MTMR2: variants seen among roughly 807,000 people sequenced by gnomAD.
MTMR2 encodes myotubularin related protein 2.
In MTMR2, 55 loss-of-function variants were observed where a neutral mutation model predicts 86.9. That is an observed-to-expected ratio of 0.63 (90% CI 0.51 to 0.79). The LOEUF is 0.79. Ranked by LOEUF, MTMR2 falls within the 30% of genes least tolerant of loss-of-function variation. The pLI is 0.00. For synonymous variants in MTMR2, 241 were observed against 266.8 expected, an observed-to-expected ratio of 0.90 and a Z score of 0.94; for missense variants, 659 against 772.3, an observed-to-expected ratio of 0.85 and a Z score of 1.74.
chr11:95,838,879 A>G (rs1056645505), intron 12 of MTMR2, among the ~76,000 whole-genome samples: 6 of 152,076 alleles, frequency 3.9e-5, no homozygotes, highest in African/African-American at 1.4e-4. Context: ...GGGACTAATC[A>G]AATGAAAAAT....
intron 1 of MTMR2, among the ~76,000 whole-genome samples, chr11:95,910,538 G>A (rs1674807069): frequency 6.6e-6 from 1 of 151,924 alleles, no homozygotes; most frequent in Non-Finnish European, 1.5e-5. Flanking sequence ...GTAAACAAAT[G>A]CCTCTAGAAG....
intron 1 of MTMR2, chr11:95,914,188 T>G: frequency 1.0e-6 from 1 of 978,374 alleles, no homozygotes; most frequent in Non-Finnish European, 1.2e-6. Context: ...AGAAATACTG[T>G]TGGCAATATT....
chr11:95,858,421 A>C (rs1354590879), intron 6 of MTMR2, 110 bp downstream of exon 6: 2 of 782,496 alleles, frequency 2.6e-6, no homozygotes, highest in Non-Finnish European at 4.6e-6. Context: ...CATCTGGTTA[A>C]ATGTCAAAGC....
chr11:95,872,928 G>A lies in MTMR2; in HGVS notation c.187-7252C>T, dbSNP rs187743157. ...TGCTGGATTACGTTTATTGATTTGT[G>A]TATGTTGAACCAGCCTTACATCCCA... is the stretch of plus-strand genomic sequence containing the variant. On this transcript the variant is annotated intron_variant, in intron 2 of 14. Transcript: ENST00000346299. 2.7e-4 allele frequency among the ~76,000 whole-genome samples: 41 copies of A among 152,274 alleles called. 1 individual carries two copies. Among genetic ancestry groups the A allele is most frequent in the Admixed American group, 2.4e-3 (37 of 15,294 alleles).
chr11:95,909,576 A>G (rs1186468255), intron 1 of MTMR2, among the ~76,000 whole-genome samples: 1 of 152,120 alleles, frequency 6.6e-6, no homozygotes, highest in Non-Finnish European at 1.5e-5. Context: ...ACCTCTAACT[A>G]AAGGCCTCAG....
chr11:95,852,885 C>G (rs542502130), intron 7 of MTMR2, among the ~76,000 whole-genome samples: 91 of 151,880 alleles, frequency 6.0e-4, no homozygotes, highest in Non-Finnish European at 1.1e-3. Context: ...TTATACAAAA[C>G]TTAGCCAGAA....
intron 1 of MTMR2, among the ~76,000 whole-genome samples, chr11:95,907,632 G>A (rs974167313): frequency 4.6e-5 from 7 of 152,058 alleles, no homozygotes; most frequent in Non-Finnish European, 1.0e-4. Flanking sequence ...GTAGCAAATC[G>A]AATCAAGCAG....
intron 2 of MTMR2, among the ~76,000 whole-genome samples, chr11:95,870,067 C>T (rs955716923): frequency 6.6e-6 from 1 of 152,116 alleles, no homozygotes; most frequent in East Asian, 1.9e-4. Flanking sequence ...AGAAAAATTA[C>T]ATATATTTAT....
At chr11:95,870,711 T>C (rs959683335) in intron 2 of MTMR2, among the ~76,000 whole-genome samples, 1 of 150,624 alleles carries the variant, frequency 6.6e-6, no homozygotes, top group African/African-American at 2.5e-5. Flanking sequence ...CTTCTTTTTT[T>C]TTTTTAAGGT....
intron 2 of MTMR2, among the ~76,000 whole-genome samples, chr11:95,866,100 T>C (rs494134): frequency 0.11 from 17,031 of 152,166 alleles, 3,182 homozygotes; most frequent in African/African-American, 0.39. Context: ...TGAAGGGCCA[T>C]AGTACATTTA....
At chr11:95,896,526 G>C (rs929256756) in intron 1 of MTMR2, among the ~76,000 whole-genome samples, 56 of 151,818 alleles carry the variant, frequency 3.7e-4, no homozygotes, top group African/African-American at 1.3e-3. Context: ...CAAGGAGAAG[G>C]GATCCTGTTG....
In MTMR2 at chr11:95,881,559, G is replaced by A. The variant is rs562399115; in HGVS notation, c.186+6597C>T. Among the ~76,000 whole-genome samples, 18 of 151,748 alleles carry A rather than the reference G, an allele frequency of 1.2e-4. No individual in the cohort carries two copies. The East Asian group carries it at 1.4e-3, about 11-fold the overall frequency. ...TCTTCATAAAGTTCTTCTATATCTCGTTTTAACTTATTCCTAAGTAAGGTA... is the reference window on the plus strand; with the variant it reads ...TCTTCATAAAGTTCTTCTATATCTCATTTTAACTTATTCCTAAGTAAGGTA... On this transcript the variant is annotated intron_variant, in intron 2 of 14. Coordinates refer to ENST00000346299, the MANE Select transcript of MTMR2 (RefSeq NM_016156.6).
intron 13 of MTMR2, among the ~76,000 whole-genome samples, chr11:95,837,775 G>A (rs1863349510): frequency 6.6e-6 from 1 of 152,018 alleles, no homozygotes; most frequent in African/African-American, 2.4e-5. Flanking sequence ...TGCACCTGCT[G>A]TAAAGGATTT....
chr11:95,916,193 A>G (rs1393726360), intron 1 of MTMR2, among the ~76,000 whole-genome samples: 1 of 152,134 alleles, frequency 6.6e-6, no homozygotes, highest in African/African-American at 2.4e-5. Context: ...TCTGTACCCA[A>G]GGGGAAAAGC....
At chr11:95,919,400 T>G (rs1866829036) in intron 1 of MTMR2, among the ~76,000 whole-genome samples, 1 of 152,166 alleles carries the variant, frequency 6.6e-6, no homozygotes, top group Non-Finnish European at 1.5e-5. Context: ...AAGTTAAATG[T>G]AAATATAAGA....
chr11:95,840,061 C>T (rs192308352), intron 12 of MTMR2: 15 of 152,252 alleles, frequency 9.9e-5, no homozygotes, highest in Non-Finnish European at 1.9e-4. Flanking sequence ...GCTAACAAGG[C>T]CCGACCCTGC....
At chr11:95,882,395 A>T (rs1865359404) in intron 2 of MTMR2, 1 of 152,246 alleles carries the variant, frequency 6.6e-6, no homozygotes, top group Non-Finnish European at 1.5e-5. Flanking sequence ...GCTCCTCGGG[A>T]AGCTGAGGCA....
intron 1 of MTMR2, among the ~76,000 whole-genome samples, chr11:95,889,036 C>T (rs693792): frequency 0.6 from 91,549 of 152,028 alleles, 29,675 homozygotes; most frequent in African/African-American, 0.86. Context: ...ACCTTGTACC[C>T]TCCCACCACA....
At chr11:95,868,493 G>A (rs1403152528) in intron 2 of MTMR2, among the ~76,000 whole-genome samples, 1 of 151,420 alleles carries the variant, frequency 6.6e-6, no homozygotes. Flanking sequence ...TAATGTTGAG[G>A]ACAAACTTGA....
Sources: allele counts gnomAD v4.1 joint callset (sites outside exome capture counted in the v4.1 genomes callset), GRCh38; gene constraint gnomAD v4.1.1; transcripts MANE v1.5; gene names NCBI Gene and HGNC (gene_info 2026-07-23, HGNC 2026-07-21).